Variants in MACROD2 observed in about 807,000 individuals in gnomAD.
MACROD2 encodes the protein mono-ADP ribosylhydrolase 2.
Under a neutral mutation model 70.4 loss-of-function variants are expected in MACROD2, and 36 were observed. The ratio of observed to expected loss-of-function variants is 0.51; its 90% confidence interval spans 0.39 to 0.68. The LOEUF (loss-of-function observed/expected upper bound fraction) is 0.68. Ranked by LOEUF, MACROD2 falls within the 30% of genes least tolerant of loss-of-function variation. The pLI is 0.00. For missense variants in MACROD2, 496 were observed against 538.4 expected, an observed-to-expected ratio of 0.92 and a Z score of 0.78; for synonymous variants, 172 against 178.8, an observed-to-expected ratio of 0.96 and a Z score of 0.30.
intron 5 of MACROD2, among the ~76,000 whole-genome samples, chr20:14,988,919 C>T (rs990753930): frequency 6.6e-6 from 1 of 151,796 alleles, no homozygotes; most frequent in African/African-American, 2.4e-5. Context: ...ATTATTTATT[C>T]TAAAAATATA....
intron 8 of MACROD2, among the ~76,000 whole-genome samples, chr20:15,568,630 A>G (rs1050618458): frequency 6.6e-6 from 1 of 152,196 alleles, no homozygotes; most frequent in African/African-American, 2.4e-5. Context: ...CCCTTTGATC[A>G]GAGCTAGTCA....
At chr20:15,048,100 GTAAA>G (rs71335982) in intron 5 of MACROD2, among the ~76,000 whole-genome samples, 12 of 113,832 alleles carry the variant, frequency 1.1e-4, no homozygotes, top group Admixed American at 8.0e-4. Flanking sequence ...CCTGTCTCTA[GTAAA>G]TAAATAAATA....
At chr20:15,559,104 G>A (rs570399807) in intron 8 of MACROD2, among the ~76,000 whole-genome samples, 2 of 152,038 alleles carry the variant, frequency 1.3e-5, no homozygotes, top group East Asian at 3.9e-4. Context: ...GCGCACGCCT[G>A]TAGTCCCAGC....
At chr20:15,663,118 A>G (rs2049845025) in intron 8 of MACROD2, among the ~76,000 whole-genome samples, 3 of 152,150 alleles carry the variant, frequency 2.0e-5, no homozygotes, top group African/African-American at 7.2e-5. Context: ...GTTCTCTTAT[A>G]GAAAGGATGC....
intron 5 of MACROD2, among the ~76,000 whole-genome samples, chr20:14,851,236 C>T (rs983480212): frequency 2.6e-5 from 4 of 152,008 alleles, no homozygotes; most frequent in African/African-American, 9.7e-5. Context: ...TTCATTCTTC[C>T]TGGAGAGCCA....
At chr20:14,904,577 G>T (rs781354451) in intron 5 of MACROD2, among the ~76,000 whole-genome samples, 1 of 152,088 alleles carries the variant, frequency 6.6e-6, no homozygotes, top group Non-Finnish European at 1.5e-5. Context: ...CAACAGTGGA[G>T]ATAAACTCAT....
intron 5 of MACROD2, among the ~76,000 whole-genome samples, chr20:15,029,793 A>C (rs1040828687): frequency 6.6e-6 from 1 of 152,224 alleles, no homozygotes; most frequent in African/African-American, 2.4e-5. Context: ...ACAGTGCCTG[A>C]AACATATAAG....
At chr20:14,940,753 C>T (rs938261089) in intron 5 of MACROD2, among the ~76,000 whole-genome samples, 4 of 152,066 alleles carry the variant, frequency 2.6e-5, no homozygotes, top group African/African-American at 4.8e-5. Context: ...TCCACCTGAT[C>T]TTGGTGAATT....
chr20:15,928,860 C>T (rs1162022918), intron 10 of MACROD2, among the ~76,000 whole-genome samples: 1 of 152,052 alleles, frequency 6.6e-6, no homozygotes, highest in East Asian at 1.9e-4. Flanking sequence ...AAATATGTAC[C>T]TTCTAGAGAA....
intron 5 of MACROD2, among the ~76,000 whole-genome samples, chr20:15,064,698 A>T (rs909883097): frequency 2.0e-5 from 3 of 152,228 alleles, no homozygotes; most frequent in Non-Finnish European, 4.4e-5. Context: ...CCATCCATTT[A>T]CAGATGTGCA....
intron 13 of MACROD2, among the ~76,000 whole-genome samples, chr20:15,972,893 A>C (rs2066252502): frequency 6.6e-6 from 1 of 152,176 alleles, no homozygotes; most frequent in Non-Finnish European, 1.5e-5. Context: ...AACATGATGA[A>C]TCTCACAAAT....
intron 5 of MACROD2, among the ~76,000 whole-genome samples, chr20:15,028,584 C>G (rs1232885229): frequency 6.6e-6 from 1 of 152,154 alleles, no homozygotes; most frequent in African/African-American, 2.4e-5. Context: ...TCTGCACCAA[C>G]AGTTTGGGCT....
intron 8 of MACROD2, among the ~76,000 whole-genome samples, chr20:15,680,955 G>A (rs2050151881): frequency 6.6e-6 from 1 of 152,204 alleles, no homozygotes; most frequent in African/African-American, 2.4e-5. Context: ...ACTCCCCAGT[G>A]TACCACAAAG....
chr20:14,575,804 T>C (rs544005248), intron 4 of MACROD2, among the ~76,000 whole-genome samples: 191 of 152,250 alleles, frequency 1.3e-3, no homozygotes, highest in African/African-American at 4.5e-3. Context: ...AAAGAAAATG[T>C]TCTACACAGG....
intron 5 of MACROD2, among the ~76,000 whole-genome samples, chr20:14,705,463 C>T (rs2071258174): frequency 6.6e-6 from 1 of 152,108 alleles, no homozygotes; most frequent in African/African-American, 2.4e-5. Flanking sequence ...ATCCCCAGGA[C>T]TGATTTTGTG....
chr20:15,888,333 G>A (rs1432091490), intron 10 of MACROD2, among the ~76,000 whole-genome samples: 1 of 152,130 alleles, frequency 6.6e-6, no homozygotes, highest in Non-Finnish European at 1.5e-5. Flanking sequence ...TAACTTTCAT[G>A]AAGTTAATCT....
chr20:15,043,202 C>A (rs534538807), intron 5 of MACROD2, among the ~76,000 whole-genome samples: 3 of 152,158 alleles, frequency 2.0e-5, no homozygotes, highest in Non-Finnish European at 4.4e-5. Context: ...GTTCCACAGA[C>A]GCATTTTATT....
At chr20:16,019,382 T>C (rs1423819479) in intron 15 of MACROD2, among the ~76,000 whole-genome samples, 1 of 152,128 alleles carries the variant, frequency 6.6e-6, no homozygotes, top group Non-Finnish European at 1.5e-5. Context: ...TAGGGTTAGC[T>C]ACCTTAGGAT....
chr20:14,940,397 A>T (rs892526849), intron 5 of MACROD2, among the ~76,000 whole-genome samples: 6 of 152,250 alleles, frequency 3.9e-5, no homozygotes, highest in African/African-American at 1.2e-4. Context: ...TTATTTCTTT[A>T]TCTTGCCCAA....
Sources: gnomAD v4.1 joint callset for allele counts (sites outside exome capture counted in the v4.1 genomes callset) on GRCh38, gnomAD v4.1.1 for gene constraint, MANE v1.5 for transcripts, NCBI Gene and HGNC (gene_info 2026-07-23, HGNC 2026-07-21) for gene names.